The following COL20A1 variants were observed in gnomAD, a reference collection of about 807,000 sequenced individuals.
The protein encoded by COL20A1 is collagen type XX alpha 1 chain, also known as collagen alpha-1(XX) chain.
Under a neutral mutation model 152.9 loss-of-function variants are expected in COL20A1, and 164 were observed. That is an observed-to-expected ratio of 1.07 (90% confidence interval 0.94 to 1.22). The LOEUF (loss-of-function observed/expected upper bound fraction) is 1.22, where lower values mean the gene tolerates loss of function less well. COL20A1 is among the 50% of genes most tolerant of loss of function. The pLI is 0.00. For synonymous variants in COL20A1, 864 were observed against 756.0 expected (o/e 1.14, Z -2.34); for missense variants, 1,873 against 1,744.8 (o/e 1.07, Z -1.31).
In COL20A1 at chr20:63,311,714, G is replaced by A. The variant is rs1291935821; in HGVS notation, c.1629G>A (p.Glu543=). The change falls in exon 13 of 36, where the codon GAG becomes GAA. Residue 543 remains glutamate, a synonymous_variant. Transcript: ENST00000358894. The surrounding 1 kb of genome is among the most constrained non-coding windows in gnomAD (Gnocchi z 4.4). ...CGGTGCAGAGCCTGCGAGGCCCTGA[G>A]GGCAGCGAGGCCCGGGGCATCCGTG... ...EVSVQSLRGP[E]GSEARGIRAR... 3 of 1,601,906 alleles carry A rather than the reference G, an allele frequency of 1.9e-6. No individual in the cohort carries two copies. Among genetic ancestry groups the A allele is most frequent in the East Asian group, 4.5e-5 (2 of 44,646 alleles).
At position 63,312,905 on chromosome 20, in the gene COL20A1, A is replaced by C; in HGVS notation, c.2047A>C (p.Thr683Pro). 1 of 1,557,508 alleles carries C rather than the reference A, an allele frequency of 6.4e-7. No individual in the cohort carries two copies. Residue 683 changes from threonine (T) to proline (P), a missense_variant, in exon 16 of 36, where the codon ACG (threonine) becomes CCG (proline). Thr to Pro is a conservative substitution (Grantham distance 38, BLOSUM62 -1). Transcript: ENST00000358894. ...CGTGCTTGTCTACCAGATCACGTGG[A>C]CGCCCCTGGGAGAGGGGAAGGCTCA... ...SGVLVYQITW[T>P]PLGEGKAHEI...
Position 63,311,485 on chromosome 20 carries a change from C to G in COL20A1, c.1485C>G (p.His495Gln), listed in dbSNP as rs746739952. 1 of 1,579,056 alleles carries G rather than the reference C, an allele frequency of 6.3e-7. No individual in the cohort carries two copies. ...LTWQPSAGAT[H>Q]YLVRCSPASP... is the part of the protein sequence containing the mutation. ...GGCAGCCCTCGGCCGGGGCCACCCA[C>G]TACCTGGTGCGATGTTCTCCTGCTT... The change falls in exon 12 of 36, where the codon CAC becomes CAG. Residue 495 changes from histidine to glutamine, a missense_variant. By Grantham distance (24) the His-to-Gln change is conservative. Transcript: ENST00000358894. This position sits in a 1 kb window ranked among gnomAD's most constrained non-coding sequence, Gnocchi z 4.4.
At chr20:63,294,119 G>T in intron 1 of COL20A1, among the ~76,000 whole-genome samples, 1 of 110,340 alleles carries the variant, frequency 9.1e-6, no homozygotes, top group Admixed American at 9.2e-5. Flanking sequence ...CGGGGAGCGG[G>T]AGTGCAGGGG....
chr20:63,296,188 G>A (rs1264886550), intron 2 of COL20A1, among the ~76,000 whole-genome samples: 2 of 152,278 alleles, frequency 1.3e-5, no homozygotes, highest in East Asian at 3.8e-4. Context: ...ACAGACCATT[G>A]CATGAGCAGG....
At chr20:63,318,966 A>C in intron 21 of COL20A1, 92 bp from the exon 22 acceptor site, 1 of 990,566 alleles carries the variant, frequency 1.0e-6, no homozygotes, top group Middle Eastern at 2.1e-4. Context: ...AGGGACTGGC[A>C]CTGGGGCTGG....
Position 63,313,652 on chromosome 20 carries a change from C to A in COL20A1, c.2210-91C>A. 1 of 1,259,568 alleles carries A rather than the reference C, an allele frequency of 7.9e-7. No individual in the cohort carries two copies. Among genetic ancestry groups the A allele is most frequent in the Non-Finnish European group, 1.1e-6 (1 of 930,306 alleles). The allele number at this position is 1,259,568 out of a possible 1,614,324, so 78.0% of individuals were successfully genotyped here. ...GATGTGGTGGAGGCATTACGCAGAG[C>A]AGGGTAGGGGCTGGGCAGCTGGTCC... On this transcript the variant is annotated intron_variant, in intron 17 of 35. Transcript: ENST00000358894. This position sits in a 1 kb window ranked among gnomAD's most constrained non-coding sequence, Gnocchi z 5.9.
Position 63,305,637 on chromosome 20 carries a change from C to A in COL20A1, c.337+77C>A. 6.9e-7 allele frequency: 1 copy of A among 1,450,270 alleles called. No individual in the cohort carries two copies. Among genetic ancestry groups the A allele is most frequent in the Non-Finnish European group, 9.2e-7 (1 of 1,083,392 alleles). The allele number at this position is 1,450,270 out of a possible 1,614,324, so 89.8% of individuals were successfully genotyped here. On this transcript the variant is annotated intron_variant, in intron 4 of 35. Transcript: ENST00000358894. The surrounding 1 kb of genome is among the most constrained non-coding windows in gnomAD (Gnocchi z 4.9). ...CCCTCCTCTGGGCTGGGGTCCCACCCTCCTCCAGGCTGCGTTCCAGCCCCA... is the reference window on the plus strand; with the variant it reads ...CCCTCCTCTGGGCTGGGGTCCCACCATCCTCCAGGCTGCGTTCCAGCCCCA...
Position 63,313,871 on chromosome 20 carries a change from G to A in COL20A1, c.2338G>A (p.Gly780Ser). Residue 780 changes from glycine to serine, a missense_variant, in exon 18 of 36, where the codon GGC becomes AGC. Transcript: ENST00000358894. This position sits in a 1 kb window ranked among gnomAD's most constrained non-coding sequence, Gnocchi z 5.9. The stretch of plus-strand genomic sequence containing the variant: ...CTGGCTCACCTACGCCCCCGCCTCT[G>A]GCTTGGGACCCGAGAAATCCGTGAG... ...HYWLTYAPASGLGPEKSVSVP... is the reference protein window; with the variant it reads ...HYWLTYAPASSLGPEKSVSVP... 1 of 1,606,088 alleles carries A rather than the reference G, an allele frequency of 6.2e-7. No homozygotes were observed. Among genetic ancestry groups the A allele is most frequent in the Non-Finnish European group, 8.5e-7 (1 of 1,176,842 alleles).
rs113342913 is a variant in COL20A1 at position 63,332,871 on chromosome 20, C to G, written c.*2155C>G. The G allele has an allele frequency of 6.6e-6, 1 of 152,210 alleles. No homozygotes were observed. 9.4% of individuals were successfully genotyped at this position (152,210 alleles called of 1,614,324 possible). On this transcript the variant is annotated 3_prime_UTR_variant, in exon 36 of 36. Coordinates refer to ENST00000358894, the MANE Select transcript of COL20A1 (RefSeq NM_020882.4). ...CCAGCCTGTGCAGTGGAGCTGAGTA[C>G]GAATCAAAGGTGAGGATGGCAAGGG...
At chr20:63,314,350 C>A in intron 19 of COL20A1, 149 bp downstream of exon 19, 1 of 685,548 alleles carries the variant, frequency 1.5e-6, no homozygotes, top group Non-Finnish European at 2.5e-6. Flanking sequence ...AGGCAGGGGT[C>A]CTGGGTGGCT....
chr20:63,322,225 C>A, intron 27 of COL20A1, 114 bp downstream of exon 27: 1 of 864,820 alleles, frequency 1.2e-6, no homozygotes, highest in Non-Finnish European at 1.7e-6. Flanking sequence ...CTTCCCTAGG[C>A]AGGGTGGGGT....
intron 7 of COL20A1, 133 bp from the exon 8 acceptor site, chr20:63,308,409 T>A (rs1393700447): frequency 2.2e-6 from 2 of 926,400 alleles, no homozygotes; most frequent in Non-Finnish European, 3.2e-6. Flanking sequence ...CCCTGCTCCC[T>A]TGGGCTGCTG....
Position 63,311,287 on chromosome 20 carries a change from C to T in COL20A1, c.1394-107C>T. ...AAGTGCCACTTTGAATCCTGTGCAC[C>T]TGCCAGGCGGTGGCCGTGCCCACCC... On this transcript the variant is annotated intron_variant, in intron 11 of 35. Transcript: ENST00000358894. This position sits in a 1 kb window ranked among gnomAD's most constrained non-coding sequence, Gnocchi z 4.4. The T allele has an allele frequency of 8.1e-7, 1 of 1,238,808 alleles. No homozygotes were observed. Among genetic ancestry groups the T allele is most frequent in the Non-Finnish European group, 1.1e-6 (1 of 914,114 alleles). 76.7% of individuals were successfully genotyped at this position (1,238,808 alleles called of 1,614,324 possible).
At chr20:63,322,393 C>T (rs971362517) in intron 27 of COL20A1, among the ~76,000 whole-genome samples, 15 of 152,290 alleles carry the variant, frequency 9.8e-5, no homozygotes, top group Admixed American at 2.0e-4. Context: ...CATGGCCCAG[C>T]AGGGGAATCT....
chr20:63,325,515 G>A, intron 28 of COL20A1, 21 bp downstream of exon 28: 1 of 1,607,558 alleles, frequency 6.2e-7, no homozygotes, highest in Non-Finnish European at 8.5e-7. Context: ...TGGGGCCAGG[G>A]GGCCACAGGG....
intron 6 of COL20A1, 27 bp downstream of exon 6, chr20:63,307,675 G>A: frequency 6.2e-7 from 1 of 1,601,282 alleles, no homozygotes; most frequent in South Asian, 1.1e-5. Flanking sequence ...CCCGCCTCCT[G>A]CCCCACCCGG....
Position 63,319,030 on chromosome 20 carries a change from G to T in COL20A1, c.2664-28G>T. 1 of 1,587,880 alleles carries T rather than the reference G, an allele frequency of 6.3e-7. No homozygotes were observed. Among genetic ancestry groups the T allele is most frequent in the Non-Finnish European group, 8.6e-7 (1 of 1,157,956 alleles). ...TTTGGCTGCCCTTGGGTCTGCTCAT[G>T]TGCCTCTCCCTCCCCCAACCCCCAC... On this transcript the variant is annotated intron_variant, in intron 21 of 35. Transcript: ENST00000358894. This position sits in a 1 kb window ranked among gnomAD's most constrained non-coding sequence, Gnocchi z 4.4.
chr20:63,314,353 G>A (rs1003488143), intron 19 of COL20A1, among the ~76,000 whole-genome samples, 152 bp downstream of exon 19: 5 of 152,170 alleles, frequency 3.3e-5, no homozygotes, highest in African/African-American at 7.2e-5. Flanking sequence ...CAGGGGTCCT[G>A]GGTGGCTGGA....
chr20:63,310,282 C>G, intron 10 of COL20A1, 99 bp from the exon 11 acceptor site: 1 of 1,385,904 alleles, frequency 7.2e-7, no homozygotes, highest in Non-Finnish European at 9.9e-7. Context: ...ACCCTGCGGG[C>G]CCCAGCTGAG....
Sources: gnomAD v4.1 joint callset for allele counts (sites outside exome capture counted in the v4.1 genomes callset) on GRCh38, gnomAD v4.1.1 for gene constraint, Gnocchi (gnomAD v3.1) non-coding constraint, MANE v1.5 for transcripts, NCBI Gene and HGNC (gene_info 2026-07-23, HGNC 2026-07-21) for gene names.